CLASP2: variants seen among roughly 807,000 people sequenced by gnomAD.
CLASP2 encodes the protein CLIP-associating protein 2.
In CLASP2, 47 loss-of-function variants were observed where a neutral mutation model predicts 194.4. The ratio of observed to expected loss-of-function variants is 0.24; its 90% CI spans 0.19 to 0.31. CLASP2 has a LOEUF of 0.31. CLASP2 is among the 10% of genes least tolerant of loss of function. The pLI is 1.00. For missense variants in CLASP2, 1,445 were observed against 1,823.6 expected (o/e 0.79, Z 3.78); for synonymous variants, 619 against 633.5 (o/e 0.98, Z 0.34).
intron 26 of CLASP2, among the ~76,000 whole-genome samples, 158 bp from the exon 27 acceptor site, chr3:33,566,892 C>T (rs2062833720): frequency 6.6e-6 from 1 of 152,156 alleles, no homozygotes; most frequent in African/African-American, 2.4e-5. Flanking sequence ...TTATGATAAA[C>T]TCAAAATAGT....
At chr3:33,576,904 T>G (rs569200773) in intron 23 of CLASP2, among the ~76,000 whole-genome samples, 1 of 142,874 alleles carries the variant, frequency 7.0e-6, no homozygotes, top group South Asian at 2.2e-4. Context: ...ACCATTTTGG[T>G]TTTTTTTTTT....
chr3:33,676,704 G>C (rs1291036738), intron 6 of CLASP2, among the ~76,000 whole-genome samples: 1 of 152,176 alleles, frequency 6.6e-6, no homozygotes, highest in Non-Finnish European at 1.5e-5. Context: ...TTGACAAATG[G>C]GATCTAATTA....
At chr3:33,716,342 G>T (rs961767411) in intron 1 of CLASP2, among the ~76,000 whole-genome samples, 4 of 152,186 alleles carry the variant, frequency 2.6e-5, no homozygotes, top group Admixed American at 2.6e-4. Flanking sequence ...GCACCGAGTA[G>T]AAGTAGGGCT....
intron 20 of CLASP2, among the ~76,000 whole-genome samples, chr3:33,593,131 A>C (rs2069230316): frequency 1.3e-5 from 2 of 152,036 alleles, no homozygotes. Context: ...CCCGAACTGC[A>C]CTCCTTTCTA....
chr3:33,577,396 A>C, intron 23 of CLASP2: 2 of 634,680 alleles, frequency 3.2e-6, no homozygotes, highest in Non-Finnish European at 5.3e-6. Context: ...GAGTATTGCC[A>C]AATAGGGCAA....
At chr3:33,626,875 A>T (rs1206054309) in intron 10 of CLASP2, 113 bp downstream of exon 10, 3 of 622,384 alleles carry the variant, frequency 4.8e-6, no homozygotes, top group Non-Finnish European at 8.5e-6. Flanking sequence ...GTTACCTATC[A>T]GACTCTCTAT....
In CLASP2 at chr3:33,510,667, T is replaced by C. The variant is rs953040113; in HGVS notation, c.4208A>G (p.Asp1403Gly). 54 of 1,613,750 alleles carry C rather than the reference T, an allele frequency of 3.3e-5. No individual in the cohort carries two copies. The highest frequency in any genetic ancestry group is 4.5e-5 in the Non-Finnish European group (53 of 1,179,852). The change falls in exon 37 of 39, where the codon GAC (aspartate) becomes GGC (glycine). Residue 1403 changes from aspartate to glycine, a missense_variant. Asp to Gly is a moderately conservative substitution (Grantham distance 94, BLOSUM62 -1). Transcript: ENST00000682230. ...GATTGCAGCCAGATTAATTGGGTAG[T>C]CTGCAGTTTGAATGATAGGACAAAG... is the stretch of plus-strand genomic sequence containing the variant. ...KVLCPIIQTA[D>G]YPINLAAIKM...
intron 9 of CLASP2, among the ~76,000 whole-genome samples, chr3:33,630,539 GCTTTAT>G (rs952946541): frequency 2.1e-5 from 3 of 140,950 alleles, no homozygotes; most frequent in African/African-American, 8.3e-5. Flanking sequence ...ATAATAAACA[GCTTTAT>G]CTTTAAAGAG....
At chr3:33,707,272 A>G (rs767786608) in intron 1 of CLASP2, among the ~76,000 whole-genome samples, 114 of 152,356 alleles carry the variant, frequency 7.5e-4, no homozygotes, top group Middle Eastern at 3.4e-3. Context: ...GAAACACATT[A>G]GATATGTTTA....
intron 10 of CLASP2, among the ~76,000 whole-genome samples, chr3:33,625,752 A>G (rs2077938122): frequency 6.6e-6 from 1 of 152,020 alleles, no homozygotes; most frequent in African/African-American, 2.4e-5. Context: ...GCTCACTGTA[A>G]CTTCAGACTC....
At chr3:33,617,932 A>C (rs958598976) in intron 12 of CLASP2, among the ~76,000 whole-genome samples, 1 of 141,716 alleles carries the variant, frequency 7.1e-6, no homozygotes, top group Middle Eastern at 3.7e-3. Flanking sequence ...AATTATTATT[A>C]TTATATATAT....
intron 33 of CLASP2, 94 bp from the exon 34 acceptor site, chr3:33,535,555 C>T (rs574095461): frequency 2.8e-4 from 274 of 974,152 alleles, no homozygotes; most frequent in Non-Finnish European, 3.9e-4. Context: ...GCTTAAAAGA[C>T]AATTTTAAAA....
chr3:33,516,937 G>C (rs185914650), intron 35 of CLASP2, 44 bp downstream of exon 35: 2 of 1,504,998 alleles, frequency 1.3e-6, no homozygotes, highest in Admixed American at 3.6e-5. Context: ...CAATGTAAAA[G>C]AGACAGGAAG....
chr3:33,561,692 A>T (rs961956759), intron 27 of CLASP2, among the ~76,000 whole-genome samples: 1 of 152,170 alleles, frequency 6.6e-6, no homozygotes, highest in African/African-American at 2.4e-5. Context: ...AAGGTAGAAA[A>T]AAATTATTAT....
At chr3:33,660,589 T>C (rs1202689464) in intron 7 of CLASP2, among the ~76,000 whole-genome samples, 1 of 152,236 alleles carries the variant, frequency 6.6e-6, no homozygotes, top group Non-Finnish European at 1.5e-5. Flanking sequence ...GTCATTATTA[T>C]GGTTTCAGGC....
At chr3:33,561,320 T>C (rs538354201) in intron 27 of CLASP2, among the ~76,000 whole-genome samples, 1 of 152,326 alleles carries the variant, frequency 6.6e-6, no homozygotes, top group African/African-American at 2.4e-5. Context: ...AAAAAAACTA[T>C]AGTTTCAGTA....
Position 33,544,778 on chromosome 3 carries a change from C to T in CLASP2, c.3217G>A (p.Gly1073Arg). 1 of 1,613,262 alleles carries T rather than the reference C, an allele frequency of 6.2e-7. No individual in the cohort carries two copies. The highest frequency in any genetic ancestry group is 1.1e-5 in the South Asian group (1 of 91,002). The change falls in exon 31 of 39, where the codon GGA becomes AGA. Residue 1073 changes from glycine to arginine, a missense_variant. By Grantham distance (125) the Gly-to-Arg change is moderately radical. Transcript: ENST00000682230. ...TCCTGAAAAGTTTTTGGTAAAGCTC[C>T]TAATAACATTGTAAACTCTGGGGTA... ...LNTPEFTMLL[G>R]ALPKTFQDGA...
At chr3:33,634,581 G>C (rs1244626808) in intron 8 of CLASP2, among the ~76,000 whole-genome samples, 1 of 152,186 alleles carries the variant, frequency 6.6e-6, no homozygotes, top group Non-Finnish European at 1.5e-5. Flanking sequence ...TAGAATTTCA[G>C]TTAAGATAGA....
intron 18 of CLASP2, among the ~76,000 whole-genome samples, chr3:33,602,134 T>C (rs1308250108): frequency 1.3e-5 from 2 of 151,838 alleles, no homozygotes; most frequent in Non-Finnish European, 2.9e-5. Context: ...CTGCCTCAGC[T>C]TCCCAAGTAG....
Sources: gnomAD v4.1 joint callset for allele counts (sites outside exome capture counted in the v4.1 genomes callset) on GRCh38, gnomAD v4.1.1 for gene constraint, MANE v1.5 for transcripts, NCBI Gene and HGNC (gene_info 2026-07-23, HGNC 2026-07-21) for gene names.